The following SERHL2 variants were observed in gnomAD, a reference collection of about 807,000 sequenced individuals.
SERHL2 encodes the protein serine hydrolase-like protein 2.
A neutral mutation model predicts 25.5 loss-of-function variants in SERHL2; 29 were observed. The ratio of observed to expected loss-of-function variants is 1.14; its 90% CI spans 0.85 to 1.55. The LOEUF (loss-of-function observed/expected upper bound fraction) is 1.55, where lower values mean the gene tolerates loss of function less well. SERHL2 is among the 40% of genes most tolerant of loss of function. The probability of loss-of-function intolerance (pLI) is 0.00; values close to 1 mark genes in which losing one functional copy is unlikely to be tolerated. For missense variants in SERHL2, 240 were observed against 252.3 expected (o/e 0.95, Z 0.33); for synonymous variants, 95 against 103.5 (o/e 0.92, Z 0.50).
At position 42,574,136 on chromosome 22, in the gene SERHL2, C is replaced by A. The variant is rs1455336898; in HGVS notation, c.*81C>A. ...GAGTTCCTGAGCCCCACAACAAGGC[C>A]AGGGATGGTGGGGACAGGCCTCACT... On this transcript the variant is annotated 3_prime_UTR_variant, in exon 12 of 12. Coordinates refer to ENST00000327678, the MANE Select transcript of SERHL2 (RefSeq NM_014509.5). 7.4e-7 allele frequency: 1 copy of A among 1,342,474 alleles called. No homozygotes were observed. The highest frequency in any genetic ancestry group is 1.1e-6 in the Non-Finnish European group (1 of 945,400). The allele number at this position is 1,342,474 out of a possible 1,614,324, so 83.2% of individuals were successfully genotyped here. A position where few individuals can be genotyped will look rare whatever the true frequency, so the allele number is the denominator to read the frequency against.
Position 42,558,908 on chromosome 22 carries a change from T to C in SERHL2, c.533+451T>C, listed in dbSNP as rs1256056473. On this transcript the variant is annotated intron_variant, in intron 7 of 11. Transcript: ENST00000327678. ...ATTGATTCCTCTGTTTCCCGAGGCATGTGAACTCCGCAACCCCCACTATGG... is the reference window on the plus strand; with the variant it reads ...ATTGATTCCTCTGTTTCCCGAGGCACGTGAACTCCGCAACCCCCACTATGG... Among the ~76,000 whole-genome samples, 4 of 10,780 alleles carry C rather than the reference T, an allele frequency of 3.7e-4. No individual in the cohort carries two copies. In the South Asian group the frequency reaches 6.3e-3, roughly 17 times the overall value. 7.1% of individuals were successfully genotyped at this position (10,780 alleles called of 152,430 possible).
chr22:42,569,734 G>A (rs1459471682), intron 9 of SERHL2: 2 of 151,894 alleles, frequency 1.3e-5, no homozygotes, highest in Non-Finnish European at 2.9e-5. Flanking sequence ...CTGTTTCAGG[G>A]AAGGCACTTC....
At chr22:42,562,713 C>T (rs1922840142) in intron 8 of SERHL2, among the ~76,000 whole-genome samples, 1 of 151,962 alleles carries the variant, frequency 6.6e-6, no homozygotes, top group East Asian at 1.9e-4. Flanking sequence ...GCTGGCAGGA[C>T]AGGCCTGGAG....
At chr22:42,567,353 C>T (rs554368217) in intron 9 of SERHL2, among the ~76,000 whole-genome samples, 4 of 151,798 alleles carry the variant, frequency 2.6e-5, no homozygotes, top group Admixed American at 6.5e-5. Context: ...TTCTTTTTTT[C>T]TTTTTTGTGT....
Position 42,572,453 on chromosome 22 carries a change from T to G in SERHL2, c.749T>G (p.Phe250Cys), listed in dbSNP as rs1313869347. 3 of 1,611,014 alleles carry G rather than the reference T, an allele frequency of 1.9e-6. No individual in the cohort carries two copies. The Admixed American group carries it at 5.0e-5, about 27-fold the overall frequency. ...CTTTCCAGAGCAGTCCACGGATATT[T>G]TGATTCAAGACAGAATTACTCTGAG... The part of the protein sequence containing the change: ...VLLIKAVHGY[F>C]DSRQNYSEKE... Residue 250 changes from phenylalanine to cysteine, a missense_variant, in exon 11 of 12, where the codon TTT becomes TGT. Coordinates refer to ENST00000327678, the MANE Select transcript of SERHL2 (RefSeq NM_014509.5).
intron 10 of SERHL2, 176 bp downstream of exon 10, chr22:42,571,379 C>T (rs899534366): frequency 7.0e-7 from 1 of 1,434,184 alleles, no homozygotes; most frequent in Non-Finnish European, 9.2e-7. Context: ...GGAGGAAGGT[C>T]AGAGGAGGGG....
At position 42,570,745 on chromosome 22, in the gene SERHL2, C is replaced by G. The variant is rs58695866; in HGVS notation, c.649-376C>G. Among the ~76,000 whole-genome samples the G allele has an allele frequency of 6.4e-3, 982 of 152,252 alleles. 10 individuals carry two copies. The highest frequency in any genetic ancestry group is 0.023 in the African/African-American group (941 of 41,560). ...TGGCAGGGGACAGCGTGAGGTGCAG[C>G]CTATGGACTGGGAAAGGGGTGTGGA... On this transcript the variant is annotated intron_variant, in intron 9 of 11. Transcript: ENST00000327678.
chr22:42,554,250 C>A (rs1162811619), intron 1 of SERHL2, among the ~76,000 whole-genome samples: 2 of 152,126 alleles, frequency 1.3e-5, no homozygotes, highest in Admixed American at 6.5e-5. Context: ...TCCCAGGGTT[C>A]CAGGAGCCCC....
intron 9 of SERHL2, among the ~76,000 whole-genome samples, chr22:42,567,467 A>G (rs1258791412): frequency 1.3e-5 from 2 of 150,582 alleles, no homozygotes; most frequent in Non-Finnish European, 3.0e-5. Flanking sequence ...GATCGAGACC[A>G]TCCTGGCTAA....
chr22:42,571,164 A>C lies in SERHL2; in HGVS notation c.692A>C (p.His231Pro). ...IDFISRELCA[H>P]SIRKLQAHVL... Reference sequence around the variant, plus strand: ...TTCATCAGCAGGGAGCTGTGTGCGCATTCCATCAGGAAGCTGCAGGCCCAT... The same window carrying C: ...TTCATCAGCAGGGAGCTGTGTGCGCCTTCCATCAGGAAGCTGCAGGCCCAT... The change falls in exon 10 of 12, where the codon CAT becomes CCT. Residue 231 changes from histidine (H) to proline (P), a missense_variant. By Grantham distance (77) the His-to-Pro change is moderately conservative. Transcript: ENST00000327678. 2 of 1,613,520 alleles carry C rather than the reference A, an allele frequency of 1.2e-6. No individual in the cohort carries two copies. Among genetic ancestry groups the C allele is most frequent in the Non-Finnish European group, 1.7e-6 (2 of 1,179,702 alleles).
chr22:42,570,249 C>G (rs1256911156), intron 9 of SERHL2, among the ~76,000 whole-genome samples: 1 of 151,994 alleles, frequency 6.6e-6, no homozygotes, highest in Non-Finnish European at 1.5e-5. Flanking sequence ...TGGTGAAACC[C>G]TGTCGCTACT....
At chr22:42,571,235 G>A (rs9620065) in intron 10 of SERHL2, 32 bp downstream of exon 10, 21 of 1,592,512 alleles carry the variant, frequency 1.3e-5, no homozygotes, top group South Asian at 7.9e-5. Context: ...TCAGCCACCC[G>A]CCAAGGAGAC....
chr22:42,560,248 C>G lies in SERHL2; in HGVS notation c.596C>G (p.Thr199Ser), dbSNP rs890357868. The change falls in exon 8 of 12, where the codon ACC (threonine) becomes AGC (serine). Residue 199 changes from threonine (T) to serine (S), a missense_variant. Around this residue, in one of 4 missense-constraint regions of SERHL2, gnomAD observed 212 missense variants for 168.9 expected, o/e 1.25. Coordinates refer to ENST00000327678, the MANE Select transcript of SERHL2 (RefSeq NM_014509.5). ...ECGELLLQRG[T>S]TKVATGLVLN... is the part of the protein sequence containing the mutation. The stretch of plus-strand genomic sequence containing the variant: ...GGGGAGCTTCTCCTGCAAAGAGGAA[C>G]CACGAAGGTGGCCACAGGTAAGGGA... 6.2e-7 allele frequency: 1 copy of G among 1,611,846 alleles called. No individual in the cohort carries two copies. Among genetic ancestry groups the G allele is most frequent in the African/African-American group, 1.3e-5 (1 of 75,012 alleles).
In SERHL2 at chr22:42,571,171, C is replaced by A; in HGVS notation, c.699C>A (p.Ile233=). The change falls in exon 10 of 12, where the codon ATC becomes ATA. Residue 233 remains isoleucine, a synonymous_variant. Transcript: ENST00000327678. ...FISRELCAHS[I]RKLQAHVLLI... ...GCAGGGAGCTGTGTGCGCATTCCAT[C>A]AGGAAGCTGCAGGCCCATGTCCTGT... The A allele has an allele frequency of 1.2e-6, 2 of 1,613,434 alleles. No homozygotes were observed. The highest frequency in any genetic ancestry group is 1.7e-6 in the Non-Finnish European group (2 of 1,179,656).
At chr22:42,570,538 C>T (rs372543326) in intron 9 of SERHL2, among the ~76,000 whole-genome samples, 15 of 152,336 alleles carry the variant, frequency 9.8e-5, no homozygotes, top group Non-Finnish European at 1.6e-4. Flanking sequence ...AATCCAGCTT[C>T]GTGTCACACC....
At chr22:42,563,931 G>A (rs972503806) in intron 8 of SERHL2, among the ~76,000 whole-genome samples, 11 of 151,742 alleles carry the variant, frequency 7.2e-5, no homozygotes, top group Non-Finnish European at 1.5e-4. Context: ...AAAGTAGTTG[G>A]GCGTGATGGC....
chr22:42,570,837 T>C (rs1046408), intron 9 of SERHL2, among the ~76,000 whole-genome samples: 2 of 151,926 alleles, frequency 1.3e-5, no homozygotes, highest in African/African-American at 4.8e-5. Context: ...GCCTTTAATC[T>C]CACAGGCATA....
chr22:42,559,898 G>C (rs2146680108), intron 7 of SERHL2, among the ~76,000 whole-genome samples: 1 of 151,930 alleles, frequency 6.6e-6, no homozygotes, highest in Non-Finnish European at 1.5e-5. Context: ...TGCAACCTCT[G>C]CCTCCTGGGT....
At chr22:42,566,751 T>G (rs575397856) in intron 9 of SERHL2, among the ~76,000 whole-genome samples, 1 of 152,114 alleles carries the variant, frequency 6.6e-6, no homozygotes, top group Admixed American at 6.5e-5. Context: ...GAGAGGGGGA[T>G]TCCTGATAGA....
Sources: gnomAD v4.1 joint callset for allele counts (sites outside exome capture counted in the v4.1 genomes callset) on GRCh38, gnomAD v4.1.1 for gene constraint, gnomAD v4.1.1 regional missense constraint, MANE v1.5 for transcripts, NCBI Gene and HGNC (gene_info 2026-07-23, HGNC 2026-07-21) for gene names.